Variants in PIWIL4 observed in about 807,000 individuals in gnomAD.
The protein encoded by PIWIL4 is piwi-like protein 4.
A neutral mutation model predicts 100.9 loss-of-function variants in PIWIL4; 50 were observed. The ratio of observed to expected loss-of-function variants is 0.50; its 90% confidence interval spans 0.39 to 0.63. The LOEUF (loss-of-function observed/expected upper bound fraction) is 0.63. Among genes scored for constraint, PIWIL4 ranks in the 20% least tolerant of loss-of-function variants. PIWIL4 has a pLI of 0.00. For missense variants in PIWIL4, 887 were observed against 1,043.3 expected (o/e 0.85, Z 2.06); for synonymous variants, 342 against 367.5 (o/e 0.93, Z 0.79).
At chr11:94,607,095 G>A (rs1948730831) in intron 13 of PIWIL4, among the ~76,000 whole-genome samples, 1 of 152,260 alleles carries the variant, frequency 6.6e-6, no homozygotes, top group Middle Eastern at 3.4e-3. Flanking sequence ...GGGTGAGGGA[G>A]TGGAGATAGC....
intron 4 of PIWIL4, among the ~76,000 whole-genome samples, chr11:94,578,136 A>C (rs147666400): frequency 6.6e-6 from 1 of 151,858 alleles, no homozygotes; most frequent in Non-Finnish European, 1.5e-5. Context: ...CTTTGACTGG[A>C]CCACTTCCAC....
At chr11:94,573,589 G>A (rs565892153) in intron 2 of PIWIL4, among the ~76,000 whole-genome samples, 3 of 152,230 alleles carry the variant, frequency 2.0e-5, no homozygotes, top group Non-Finnish European at 4.4e-5. Context: ...GATGGATTAC[G>A]TTTATTGATT....
chr11:94,594,925 T>C (rs1565276989), intron 9 of PIWIL4, among the ~76,000 whole-genome samples: 1 of 152,174 alleles, frequency 6.6e-6, no homozygotes, highest in African/African-American at 2.4e-5. Context: ...AACACTTGAA[T>C]TGGGACTAGC....
At chr11:94,618,197 GT>G in intron 17 of PIWIL4, 90 bp downstream of exon 17, 2 of 1,332,206 alleles carry the variant, frequency 1.5e-6, no homozygotes, top group Admixed American at 2.6e-5. Flanking sequence ...CATAAGTTTT[GT>G]TTTTTATGCA....
intron 10 of PIWIL4, 124 bp downstream of exon 10, chr11:94,595,550 G>A: frequency 1.3e-6 from 1 of 793,542 alleles, no homozygotes; most frequent in Admixed American, 2.4e-5. Context: ...AGGAGCTTTT[G>A]AATTGTGCTG....
rs1948354229 is a variant in PIWIL4, at chr11:94,583,445, C to T, written c.514-3C>T. ...GTGCATATTAAGTACCTCTTTTTCC[C>T]AGGTCACAGAGTTGTCAAGTGAAAC... On this transcript the variant is annotated splice_region_variant and splice_polypyrimidine_tract_variant and intron_variant, in intron 4 of 19. Transcript: ENST00000299001. 1 of 1,612,086 alleles carries T rather than the reference C, an allele frequency of 6.2e-7. No homozygotes were observed. The highest frequency in any genetic ancestry group is 1.7e-5 in the Admixed American group (1 of 59,684).
intron 15 of PIWIL4, among the ~76,000 whole-genome samples, chr11:94,615,808 A>T (rs139168341): frequency 0.011 from 1,744 of 152,242 alleles, 18 homozygotes; most frequent in South Asian, 0.018. Context: ...TAGCTGTATT[A>T]CTGTTGTTGC....
At chr11:94,603,952 T>C (rs1400997101) in intron 12 of PIWIL4, 32 bp from the exon 13 acceptor site, 1 of 1,438,548 alleles carries the variant, frequency 7.0e-7, no homozygotes, top group Non-Finnish European at 9.7e-7. Context: ...AGAAGGAAGT[T>C]ACATAGCTTC....
chr11:94,615,409 G>A (rs1003210871), intron 15 of PIWIL4, among the ~76,000 whole-genome samples: 9 of 152,148 alleles, frequency 5.9e-5, no homozygotes, highest in African/African-American at 2.2e-4. Flanking sequence ...CCTCTTTAAT[G>A]CATCCATTCT....
Position 94,583,482 on chromosome 11 carries a change from A to G in PIWIL4, c.548A>G (p.Glu183Gly), listed in dbSNP as rs1231269446. ...TELSSETQRG[E>G]TIKMTITLKR... Reference sequence around the variant, plus strand: ...TTGTCAAGTGAAACTCAAAGAGGTGAGACTATAAAGATGACTATCACCCTG... The same window carrying G: ...TTGTCAAGTGAAACTCAAAGAGGTGGGACTATAAAGATGACTATCACCCTG... Residue 183 changes from glutamate (E) to glycine (G), a missense_variant, in exon 5 of 20, where the codon GAG (glutamate) becomes GGG (glycine). Transcript: ENST00000299001. 1.9e-6 allele frequency: 3 copies of G among 1,613,748 alleles called. No homozygotes were observed. Among genetic ancestry groups the G allele is most frequent in the Non-Finnish European group, 2.5e-6 (3 of 1,179,752 alleles).
chr11:94,608,894 C>T (rs1205662250), intron 15 of PIWIL4, among the ~76,000 whole-genome samples: 1 of 152,160 alleles, frequency 6.6e-6, no homozygotes, highest in Admixed American at 6.5e-5. Flanking sequence ...TTTATATATT[C>T]ATTAGGGTGA....
At chr11:94,578,269 A>G (rs1277613310) in intron 4 of PIWIL4, among the ~76,000 whole-genome samples, 2 of 152,162 alleles carry the variant, frequency 1.3e-5, no homozygotes, top group Admixed American at 6.5e-5. Context: ...TTTATTTAAA[A>G]TTTTTATTGA....
chr11:94,613,323 G>T (rs543238048), intron 15 of PIWIL4, among the ~76,000 whole-genome samples: 12 of 152,276 alleles, frequency 7.9e-5, no homozygotes, highest in African/African-American at 2.6e-4. Flanking sequence ...TGAGAAATCT[G>T]CTGATAGCCT....
intron 4 of PIWIL4, among the ~76,000 whole-genome samples, chr11:94,581,734 G>GTA (rs1168268513): frequency 6.6e-6 from 1 of 152,192 alleles, no homozygotes. Context: ...CTATTTATTT[G>GTA]AATTCCTGAG....
chr11:94,607,418 T>G, intron 13 of PIWIL4, 21 bp from the exon 14 acceptor site: 2 of 1,598,876 alleles, frequency 1.3e-6, no homozygotes, highest in Non-Finnish European at 1.7e-6. Flanking sequence ...TTCCAAAATC[T>G]TTTGCTGTTT....
At chr11:94,618,186 G>A in intron 17 of PIWIL4, 79 bp downstream of exon 17, 1 of 1,403,030 alleles carries the variant, frequency 7.1e-7, no homozygotes. Flanking sequence ...AGGTATTCAA[G>A]CATAAGTTTT....
chr11:94,580,874 C>A (rs1299369044), intron 4 of PIWIL4, among the ~76,000 whole-genome samples: 1 of 144,662 alleles, frequency 6.9e-6, no homozygotes, highest in Non-Finnish European at 1.5e-5. Flanking sequence ...ATGTGTTGAT[C>A]ACTTACTCTG....
chr11:94,574,308 A>G (rs1278515120), intron 2 of PIWIL4, among the ~76,000 whole-genome samples: 1 of 152,188 alleles, frequency 6.6e-6, no homozygotes, highest in Non-Finnish European at 1.5e-5. Flanking sequence ...GAAATGTCAG[A>G]TTCATCTTCT....
In PIWIL4 at chr11:94,608,579, A is replaced by G; in HGVS notation, c.1840-4A>G. 1.2e-6 allele frequency: 2 copies of G among 1,611,950 alleles called. No homozygotes were observed. The highest frequency in any genetic ancestry group is 1.7e-6 in the Non-Finnish European group (2 of 1,178,288). On this transcript the variant is annotated splice_region_variant and splice_polypyrimidine_tract_variant and intron_variant, in intron 14 of 19. Coordinates refer to ENST00000299001, the MANE Select transcript of PIWIL4 (RefSeq NM_152431.3). Reference sequence around the variant, plus strand: ...ATTAAATCATGACAAATTTAATTTTATAGTTAAAGTCCCTGATGGTGGTCG... The same window carrying G: ...ATTAAATCATGACAAATTTAATTTTGTAGTTAAAGTCCCTGATGGTGGTCG...
Sources: allele counts gnomAD v4.1 joint callset (sites outside exome capture counted in the v4.1 genomes callset), GRCh38; gene constraint gnomAD v4.1.1; transcripts MANE v1.5; gene names NCBI Gene and HGNC (gene_info 2026-07-23, HGNC 2026-07-21).